NAV3: variants seen among roughly 807,000 people sequenced by gnomAD.
The protein encoded by NAV3 is pore membrane and/or filament interacting like protein 1.
A neutral mutation model predicts 244.7 loss-of-function variants in NAV3; 87 were observed. The observed-to-expected ratio is 0.36, with a 90% CI of 0.30 to 0.42. The LOEUF (loss-of-function observed/expected upper bound fraction) is 0.42, where lower values mean the gene tolerates loss of function less well. Ranked by LOEUF, NAV3 falls within the 20% of genes least tolerant of loss-of-function variation. NAV3 has a pLI of 1.00. For missense variants in NAV3, 2,663 were observed against 2,893.3 expected (o/e 0.92, Z 1.83); for synonymous variants, 1,126 against 1,042.2 (o/e 1.08, Z -1.55).
At chr12:78,047,225 C>T (rs1337739065) in intron 9 of NAV3, among the ~76,000 whole-genome samples, 9 of 152,240 alleles carry the variant, frequency 5.9e-5, no homozygotes, top group Middle Eastern at 6.8e-3. Context: ...CGGTGGCTCA[C>T]GCTTGTAATC....
intron 1 of NAV3, among the ~76,000 whole-genome samples, chr12:77,867,081 G>A (rs1048362067): frequency 6.6e-6 from 1 of 152,146 alleles, no homozygotes; most frequent in Non-Finnish European, 1.5e-5. Flanking sequence ...TAGTTGATAT[G>A]TTTGGCTGTG....
chr12:78,072,262 G>A (rs1256170276), intron 12 of NAV3, among the ~76,000 whole-genome samples: 3 of 147,992 alleles, frequency 2.0e-5, no homozygotes, highest in Admixed American at 6.8e-5. Context: ...TTTTTTGAAA[G>A]GATCAACAAA....
chr12:78,037,118 A>G, intron 9 of NAV3: 2 of 703,022 alleles, frequency 2.8e-6, no homozygotes, highest in Non-Finnish European at 5.2e-6. Flanking sequence ...CCAGCAGCTC[A>G]GCCTGGAACC....
At chr12:78,092,491 CTTTTTTTTTTTTTT>C (rs71088358) in intron 12 of NAV3, among the ~76,000 whole-genome samples, 2 of 64,008 alleles carry the variant, frequency 3.1e-5, no homozygotes, top group African/African-American at 1.2e-4. Context: ...TAGTTATTTT[CTTTTTTTTTTTTTT>C]TTTTTTTTTT....
intron 12 of NAV3, among the ~76,000 whole-genome samples, chr12:78,077,951 A>G (rs1003699697): frequency 3.3e-5 from 5 of 152,300 alleles, no homozygotes; most frequent in Non-Finnish European, 5.9e-5. Context: ...AAAACAAAAA[A>G]CAGAAACATA....
chr12:78,112,158 A>G (rs1011181359), intron 12 of NAV3, among the ~76,000 whole-genome samples: 1 of 152,174 alleles, frequency 6.6e-6, no homozygotes, highest in Non-Finnish European at 1.5e-5. Flanking sequence ...GCCCATGCTG[A>G]TAGAAAACAA....
intron 2 of NAV3, among the ~76,000 whole-genome samples, chr12:77,662,916 G>A (rs1334292223): frequency 6.6e-6 from 1 of 152,106 alleles, no homozygotes; most frequent in Non-Finnish European, 1.5e-5. Context: ...ATTTAAGTGA[G>A]TATGTGATCA....
intron 2 of NAV3, among the ~76,000 whole-genome samples, chr12:77,647,717 A>G (rs1872663283): frequency 6.6e-6 from 1 of 152,112 alleles, no homozygotes; most frequent in Admixed American, 6.6e-5. Flanking sequence ...TCTCTAATGT[A>G]TGGAACAATG....
rs141470693 is a variant in NAV3 at position 77,997,771 on chromosome 12, A to G, written c.741-566A>G. On this transcript the variant is annotated intron_variant, in intron 6 of 39. Transcript: ENST00000397909. ...GGGCAGACCAGTGAAATATAATTTA[A>G]CTCATGACCTGGGTCTTGGTACCAT... Among the ~76,000 whole-genome samples the G allele has an allele frequency of 1.1e-3, 167 of 152,246 alleles. 1 individual carries two copies. Among genetic ancestry groups the G allele is most frequent in the Admixed American group, 5.7e-3 (87 of 15,280 alleles).
chr12:78,129,211 C>T (rs537888892), intron 18 of NAV3, among the ~76,000 whole-genome samples: 1 of 152,268 alleles, frequency 6.6e-6, no homozygotes, highest in African/African-American at 2.4e-5. Context: ...ATCCCAGGGG[C>T]CTTTCCATTC....
intron 1 of NAV3, among the ~76,000 whole-genome samples, chr12:77,874,109 C>T (rs1881490391): frequency 6.6e-6 from 1 of 151,982 alleles, no homozygotes; most frequent in Non-Finnish European, 1.5e-5. Context: ...CCCCCACCCA[C>T]CCTAGTCTGT....
intron 2 of NAV3, among the ~76,000 whole-genome samples, chr12:77,653,514 A>C (rs985255652): frequency 6.6e-6 from 1 of 152,234 alleles, no homozygotes; most frequent in Non-Finnish European, 1.5e-5. Flanking sequence ...TGAAAATCAA[A>C]TTTAAATTAA....
At chr12:77,841,194 A>G (rs1242731344) in intron 1 of NAV3, among the ~76,000 whole-genome samples, 1 of 152,236 alleles carries the variant, frequency 6.6e-6, no homozygotes, top group Non-Finnish European at 1.5e-5. Flanking sequence ...CTGGAAAAAA[A>G]GTCACTAGAT....
intron 12 of NAV3, among the ~76,000 whole-genome samples, chr12:78,098,350 A>G (rs1181953318): frequency 6.6e-6 from 1 of 152,054 alleles, no homozygotes; most frequent in Non-Finnish European, 1.5e-5. Context: ...CACACACTGT[A>G]GTATTTAAAA....
chr12:78,091,795 C>CAAAAAAAAAAAAAAAAAAAAAA (rs57863867), intron 12 of NAV3: 44 of 103,806 alleles, frequency 4.2e-4, no homozygotes, highest in African/African-American at 1.6e-3. Context: ...GACTCCGTCT[C>CAAAAAAAAAAAAAAAAAAAAAA]AAAAAAAAAA....
chr12:77,898,365 A>G (rs1316429093), intron 1 of NAV3, among the ~76,000 whole-genome samples: 1 of 152,212 alleles, frequency 6.6e-6, no homozygotes, highest in East Asian at 1.9e-4. Context: ...TATATTTACA[A>G]TAAGAGAAAA....
In NAV3 at chr12:77,711,289, G is replaced by A. The variant is rs11106387; in HGVS notation, c.72+139023G>A. On this transcript the variant is annotated intron_variant, in intron 2 of 8. Coordinates refer to the NAV3 transcript ENST00000550042. ...TAATGTGGCCTAACCCCACATTTGTGGATTGAAGTGGAGGCTTTTTCTGCT... is the reference window on the plus strand; with the variant it reads ...TAATGTGGCCTAACCCCACATTTGTAGATTGAAGTGGAGGCTTTTTCTGCT... Among the ~76,000 whole-genome samples the A allele has an allele frequency of 2.6e-3, 403 of 152,268 alleles. 3 individuals are homozygous for A. Among genetic ancestry groups the A allele is most frequent in the Admixed American group, 4.6e-3 (70 of 15,288 alleles).
At chr12:77,815,727 C>T (rs976762754) in intron 2 of NAV3, among the ~76,000 whole-genome samples, 11 of 151,726 alleles carry the variant, frequency 7.2e-5, no homozygotes, top group Non-Finnish European at 1.5e-4. Context: ...TTTTTTTTCC[C>T]GACATCGCAT....
At chr12:78,097,661 G>GT (rs1954325073) in intron 12 of NAV3, among the ~76,000 whole-genome samples, 1 of 151,938 alleles carries the variant, frequency 6.6e-6, no homozygotes, top group South Asian at 2.1e-4. Context: ...TTGTAATTTT[G>GT]TTTTTAATAA....
Sources: gnomAD v4.1 joint callset for allele counts (sites outside exome capture counted in the v4.1 genomes callset) on GRCh38, gnomAD v4.1.1 for gene constraint, MANE v1.5 for transcripts, NCBI Gene and HGNC (gene_info 2026-07-23, HGNC 2026-07-21) for gene names.